HSDL1: variants seen among roughly 807,000 people sequenced by gnomAD.
HSDL1 encodes hydroxysteroid dehydrogenase like 1, also known as inactive hydroxysteroid dehydrogenase-like protein 1.
A neutral mutation model predicts 31.5 loss-of-function variants in HSDL1; 29 were observed. The observed-to-expected ratio is 0.92, with a 90% CI of 0.69 to 1.26. The LOEUF is 1.26. Ranked by LOEUF, HSDL1 falls within the 50% of genes most tolerant of loss-of-function variation. HSDL1 has a pLI of 0.00. For synonymous variants in HSDL1, 222 were observed against 155.2 expected (o/e 1.43, Z -3.20); for missense variants, 503 against 416.6 (o/e 1.21, Z -1.81).
chr16:84,137,378 G>A (rs1210801193), intron 1 of HSDL1, among the ~76,000 whole-genome samples: 1 of 152,242 alleles, frequency 6.6e-6, no homozygotes, highest in Non-Finnish European at 1.5e-5. Context: ...CATGTGTGCA[G>A]GCGCACAGGC....
chr16:84,138,396 C>T (rs2086732663), intron 1 of HSDL1, among the ~76,000 whole-genome samples: 1 of 152,108 alleles, frequency 6.6e-6, no homozygotes, highest in African/African-American at 2.4e-5. Context: ...AGCTAATGTA[C>T]AGTACAGTGA....
At chr16:84,141,094 C>A (rs59173020) in intron 1 of HSDL1, among the ~76,000 whole-genome samples, 9,412 of 125,440 alleles carry the variant, frequency 0.075, 1,036 homozygotes, top group African/African-American at 0.29. Context: ...CCGTCTCAAA[C>A]AAAAAAAAAA....
rs1412668865 is a variant in HSDL1 at position 84,130,450 on chromosome 16, A to G, written c.221-19T>C. The G allele has an allele frequency of 1.9e-6, 3 of 1,586,926 alleles. No homozygotes were observed. The highest frequency in any genetic ancestry group is 1.3e-5 in the African/African-American group (1 of 74,106). The stretch of plus-strand genomic sequence containing the variant: ...GTTGCACCTAGGATGCAAGTCAGGA[A>G]AAGTGAGCATGTGTATTTCACGGTG... On this transcript the variant is annotated intron_variant, in intron 3 of 5. Coordinates refer to ENST00000219439, the MANE Select transcript of HSDL1 (RefSeq NM_031463.5).
Position 84,122,612 on chromosome 16 carries a change from A to C in HSDL1, c.*2018T>G, listed in dbSNP as rs573084984. On this transcript the variant is annotated 3_prime_UTR_variant, in exon 6 of 6. Coordinates refer to ENST00000219439, the MANE Select transcript of HSDL1 (RefSeq NM_031463.5). ...AGCGATCCACCTGCCCTGGCCTTCC[A>C]AACTGCTGGGATTACAGGTGTGAGC... 6.6e-6 allele frequency: 1 copy of C among 152,376 alleles called. No individual in the cohort carries two copies. The highest frequency in any genetic ancestry group is 2.1e-4 in the South Asian group (1 of 4,830). The allele number at this position is 152,376 out of a possible 1,614,324, so 9.4% of individuals were successfully genotyped here. A position where few individuals can be genotyped will look rare whatever the true frequency, so the allele number is the denominator to read the frequency against.
At chr16:84,140,091 G>A (rs550134281) in intron 1 of HSDL1, among the ~76,000 whole-genome samples, 16 of 152,094 alleles carry the variant, frequency 1.1e-4, no homozygotes, top group African/African-American at 3.6e-4. Context: ...CCGTGGCACT[G>A]CCCCCACCTC....
At chr16:84,127,064 C>A (rs531651589) in intron 5 of HSDL1, among the ~76,000 whole-genome samples, 1 of 152,114 alleles carries the variant, frequency 6.6e-6, no homozygotes, top group Non-Finnish European at 1.5e-5. Context: ...GTCAAAACAT[C>A]TACTGCACCT....
rs186655797 is a variant in HSDL1, at chr16:84,129,602, A to G, written c.840T>C (p.Val280=). The G allele has an allele frequency of 6.2e-7, 1 of 1,614,196 alleles. No individual in the cohort carries two copies. Among genetic ancestry groups the G allele is most frequent in the Non-Finnish European group, 8.5e-7 (1 of 1,180,048 alleles). The stretch of plus-strand genomic sequence containing the variant: ...TCCTTTTGGAAATCCCAAGAGTAGA[A>G]ACAGCATGATGTGCATAGACTTTTG... ...PSPKVYAHHA[V]STLGISKRTT... is the part of the protein sequence containing the mutation. The change falls in exon 5 of 6, where the codon GTT becomes GTC. Residue 280 remains valine (V), a synonymous_variant. Transcript: ENST00000219439.
chr16:84,124,648 G>C lies in HSDL1; in HGVS notation c.975C>G (p.Ala325=), dbSNP rs903007213. 6.2e-7 allele frequency: 1 copy of C among 1,613,108 alleles called. No homozygotes were observed. The highest frequency in any genetic ancestry group is 1.3e-5 in the African/African-American group (1 of 75,042). The part of the protein sequence containing the change: ...NILNRSLRKE[A]LSCTA ...TCCAGACTCAGGCTGTGCAGGATAAGGCTTCCTTACGTAGTGAACGGTTGA... is the reference window on the plus strand; with the variant it reads ...TCCAGACTCAGGCTGTGCAGGATAACGCTTCCTTACGTAGTGAACGGTTGA... Residue 325 remains alanine, a synonymous_variant, in exon 6 of 6, where the codon GCC becomes GCG. Coordinates refer to ENST00000219439, the MANE Select transcript of HSDL1 (RefSeq NM_031463.5).
chr16:84,144,968 G>A (rs1291851552), intron 1 of HSDL1, 112 bp downstream of exon 1: 1 of 152,650 alleles, frequency 6.6e-6, no homozygotes, highest in Non-Finnish European at 1.5e-5. Context: ...GGGGGGCGTG[G>A]TGAGAGCTCA....
chr16:84,144,877 G>A (rs1315483081), intron 1 of HSDL1, among the ~76,000 whole-genome samples: 2 of 151,736 alleles, frequency 1.3e-5, no homozygotes, highest in Non-Finnish European at 2.9e-5. Context: ...GAGTCTCACG[G>A]GACGGAGGGA....
Position 84,130,422 on chromosome 16 carries a change from T to G in HSDL1, c.230A>C (p.Asp77Ala), listed in dbSNP as rs754549181. The change falls in exon 4 of 6, where the codon GAT becomes GCT. Residue 77 changes from aspartate to alanine, a missense_variant. By Grantham distance (126) the Asp-to-Ala change is moderately radical. Coordinates refer to ENST00000219439, the MANE Select transcript of HSDL1 (RefSeq NM_031463.5). ...TTCAGCGTAGGCTTTTCCAATCCCATCTGTTGCACCTAGGATGCAAGTCAG... is the reference window on the plus strand; with the variant it reads ...TTCAGCGTAGGCTTTTCCAATCCCAGCTGTTGCACCTAGGATGCAAGTCAG... ...GRWAVVSGAT[D>A]GIGKAYAEEL... 2.0e-5 allele frequency: 32 copies of G among 1,607,224 alleles called. No homozygotes were observed. The highest frequency in any genetic ancestry group is 2.6e-5 in the Non-Finnish European group (31 of 1,176,900).
chr16:84,129,259 A>G (rs974354093), intron 5 of HSDL1, among the ~76,000 whole-genome samples: 1 of 152,014 alleles, frequency 6.6e-6, no homozygotes, highest in Non-Finnish European at 1.5e-5. Flanking sequence ...AGGTGCCTGT[A>G]GTCCCAGCTA....
intron 5 of HSDL1, among the ~76,000 whole-genome samples, chr16:84,127,724 T>C (rs923162453): frequency 7.3e-5 from 11 of 149,984 alleles, no homozygotes; most frequent in African/African-American, 2.7e-4. Context: ...GTATTTTTTT[T>C]TTTTTTTTTT....
intron 1 of HSDL1, among the ~76,000 whole-genome samples, chr16:84,138,963 T>C (rs74837731): frequency 1.3e-5 from 2 of 152,078 alleles, no homozygotes; most frequent in East Asian, 3.8e-4. Flanking sequence ...TCAACTCAAA[T>C]AGAAAAACCT....
At chr16:84,126,859 A>G (rs190997531) in intron 5 of HSDL1, among the ~76,000 whole-genome samples, 2 of 152,370 alleles carry the variant, frequency 1.3e-5, no homozygotes, top group East Asian at 1.9e-4. Context: ...TTGGAAATAA[A>G]AAATGATAGT....
chr16:84,139,742 A>G (rs956720423), intron 1 of HSDL1, among the ~76,000 whole-genome samples: 1 of 152,128 alleles, frequency 6.6e-6, no homozygotes, highest in Non-Finnish European at 1.5e-5. Context: ...TTAAGCCAAA[A>G]CCACTATGTG....
chr16:84,131,530 T>TATCTATCAATCA (rs1555517128), intron 2 of HSDL1, among the ~76,000 whole-genome samples: 2 of 146,142 alleles, frequency 1.4e-5, no homozygotes, highest in African/African-American at 5.1e-5. Flanking sequence ...TCTATCTATC[T>TATCTATCAATCA]ATCAGACAGA....
At chr16:84,131,491 AT>A in intron 2 of HSDL1, among the ~76,000 whole-genome samples, 164 bp from the exon 3 acceptor site, 1 of 141,612 alleles carries the variant, frequency 7.1e-6, no homozygotes, top group East Asian at 2.0e-4. Context: ...CAGTCTATCT[AT>A]CTATCTATCT....
intron 5 of HSDL1, 21 bp from the exon 6 acceptor site, chr16:84,124,749 G>A: frequency 6.4e-7 from 1 of 1,571,650 alleles, no homozygotes; most frequent in South Asian, 1.1e-5. Context: ...AAGAGAAAAA[G>A]GTTGTAAGGT....
Sources: gnomAD v4.1 joint callset for allele counts (sites outside exome capture counted in the v4.1 genomes callset) on GRCh38, gnomAD v4.1.1 for gene constraint, MANE v1.5 for transcripts, NCBI Gene and HGNC (gene_info 2026-07-23, HGNC 2026-07-21) for gene names.